The following ACSL4 variants were observed in gnomAD, a reference collection of about 807,000 sequenced individuals.
The protein encoded by ACSL4 is acyl-CoA synthetase long chain family member 4, also known as long-chain-fatty-acid--CoA ligase 4.
A neutral mutation model predicts 49.1 loss-of-function variants in ACSL4; 9 were observed. The ratio of observed to expected loss-of-function variants is 0.18; its 90% confidence interval spans 0.11 to 0.32. ACSL4 has a LOEUF of 0.32. Ranked by LOEUF, ACSL4 falls within the 10% of genes least tolerant of loss-of-function variation. ACSL4 has a pLI of 1.00. For missense variants in ACSL4, 333 were observed against 493.7 expected, an observed-to-expected ratio of 0.67 and a Z score of 3.08; for synonymous variants, 191 against 170.3, an observed-to-expected ratio of 1.12 and a Z score of -0.95.
intron 9 of ACSL4, among the ~76,000 whole-genome samples, chrX:109,670,055 A>C (rs184161365): frequency 3.6e-5 from 4 of 112,401 alleles, no homozygotes; most frequent in Non-Finnish European, 3.8e-5. Flanking sequence ...CAAAACAAAA[A>C]AAAATAAACA....
intron 9 of ACSL4, among the ~76,000 whole-genome samples, chrX:109,672,978 C>A (rs1344668790): frequency 9.0e-6 from 1 of 111,044 alleles, no homozygotes. Context: ...TGAACCCAAC[C>A]AGAAGTCATA....
intron 1 of ACSL4, among the ~76,000 whole-genome samples, chrX:109,704,146 A>C (rs1026756452): frequency 2.7e-5 from 3 of 111,312 alleles, no homozygotes; most frequent in African/African-American, 9.8e-5. Flanking sequence ...CCATATTCAC[A>C]TTCTCTGATA....
intron 15 of ACSL4, among the ~76,000 whole-genome samples, chrX:109,645,654 G>A (rs916248323): frequency 2.7e-5 from 3 of 112,396 alleles, no homozygotes; most frequent in African/African-American, 9.7e-5. Context: ...CACCAGCAAC[G>A]GAACAAAGCT....
intron 13 of ACSL4, among the ~76,000 whole-genome samples, chrX:109,662,972 G>C (rs868712985): frequency 9.0e-6 from 1 of 111,539 alleles, no homozygotes; most frequent in Non-Finnish European, 1.9e-5. Flanking sequence ...CTTACGCTAA[G>C]GTTCAGGCTC....
intron 2 of ACSL4, among the ~76,000 whole-genome samples, chrX:109,686,787 C>G (rs901961848): frequency 1.8e-5 from 2 of 110,582 alleles, no homozygotes; most frequent in African/African-American, 6.6e-5. Flanking sequence ...CACACACACA[C>G]ACACACACAC....
In ACSL4 at chrX:109,677,956, C is replaced by G. The variant is rs372073056; in HGVS notation, c.930+32G>C. 2.5e-6 allele frequency: 3 copies of G among 1,205,599 alleles called. No individual in the cohort carries two copies. In the African/African-American group the frequency reaches 5.3e-5, roughly 21 times the overall value. On this transcript the variant is annotated intron_variant, in intron 8 of 15. Coordinates refer to ENST00000672401, the MANE Select transcript of ACSL4 (RefSeq NM_001318510.2). The stretch of plus-strand genomic sequence containing the variant: ...CTCAGCCAAACCATGCAGCATCATA[C>G]GATCATGCCAATATACTGAAAAGTT...
At chrX:109,710,258 G>T (rs1360378721) in intron 1 of ACSL4, among the ~76,000 whole-genome samples, 1 of 111,799 alleles carries the variant, frequency 8.9e-6, no homozygotes, top group African/African-American at 3.3e-5. Flanking sequence ...TCATCCCATA[G>T]AGAACAAGGC....
chrX:109,682,096 T>C (rs2147446585), intron 4 of ACSL4, among the ~76,000 whole-genome samples: 1 of 112,354 alleles, frequency 8.9e-6, no homozygotes, highest in South Asian at 3.7e-4. Flanking sequence ...GGGATCATTT[T>C]CATATTATCT....
intron 1 of ACSL4, among the ~76,000 whole-genome samples, chrX:109,697,193 A>C (rs1925502698): frequency 8.9e-6 from 1 of 112,865 alleles, no homozygotes; most frequent in Non-Finnish European, 1.9e-5. Context: ...GGAATAATAA[A>C]ATAAGGCCTT....
At position 109,643,927 on chromosome X, in the gene ACSL4, T is replaced by G; in HGVS notation, c.*102A>C. On this transcript the variant is annotated 3_prime_UTR_variant, in exon 16 of 16. Coordinates refer to ENST00000672401, the MANE Select transcript of ACSL4 (RefSeq NM_001318510.2). The stretch of plus-strand genomic sequence containing the variant: ...TTTTCTTTTTACTCTATCTTTAGAA[T>G]GATATACCTTACATTCTAACAGTTC... 4.9e-5 allele frequency: 46 copies of G among 937,354 alleles called. No individual in the cohort carries two copies. The highest frequency in any genetic ancestry group is 6.8e-5 in the Non-Finnish European group (44 of 649,918). 77.2% of individuals were successfully genotyped at this position (937,354 alleles called of 1,213,427 possible). A position where few individuals can be genotyped will look rare whatever the true frequency, so the allele number is the denominator to read the frequency against.
At position 109,701,376 on chromosome X, in the gene ACSL4, G is replaced by C. The variant is rs192587757; in HGVS notation, c.-65-5180C>G. Among the ~76,000 whole-genome samples the C allele has an allele frequency of 8.9e-3, 947 of 106,264 alleles. 12 individuals are homozygous for C. The highest frequency in any genetic ancestry group is 0.029 in the African/African-American group (848 of 29,052). The allele number at this position is 106,264 out of a possible 115,157, so 92.3% of individuals were successfully genotyped here. ...GGACTACAGGTGTGCACCACAGCACGCCGCTAATTTTTGTATTTTGAGTAA... is the reference window on the plus strand; with the variant it reads ...GGACTACAGGTGTGCACCACAGCACCCCGCTAATTTTTGTATTTTGAGTAA... On this transcript the variant is annotated intron_variant, in intron 1 of 15. Coordinates refer to ENST00000672401, the MANE Select transcript of ACSL4 (RefSeq NM_001318510.2).
At chrX:109,695,032 T>C (rs1925321157) in intron 2 of ACSL4, among the ~76,000 whole-genome samples, 1 of 111,580 alleles carries the variant, frequency 9.0e-6, no homozygotes, top group African/African-American at 3.3e-5. Context: ...GGCACAAGTA[T>C]ACATTGTGGC....
chrX:109,646,392 C>T (rs1224460426), intron 15 of ACSL4, among the ~76,000 whole-genome samples: 1 of 111,288 alleles, frequency 9.0e-6, no homozygotes, highest in Non-Finnish European at 1.9e-5. Context: ...AAAGAATTTT[C>T]AACCCAGAAT....
In ACSL4 at chrX:109,727,526, C is replaced by T. The variant is rs746809821; in HGVS notation, c.-66+5613G>A. 2.7e-5 allele frequency among the ~76,000 whole-genome samples: 3 copies of T among 111,936 alleles called. No individual in the cohort carries two copies. The South Asian group carries it at 1.1e-3, about 41-fold the overall frequency. ...AAATCAACCGTCTCAACTCTCTATG[C>T]ATTCCTTATTGCTGCTCCTAGACCA... On this transcript the variant is annotated intron_variant, in intron 1 of 15. Coordinates refer to ENST00000672401, the MANE Select transcript of ACSL4 (RefSeq NM_001318510.2).
At position 109,727,348 on chromosome X, in the gene ACSL4, A is replaced by G. The variant is rs139977280; in HGVS notation, c.-66+5791T>C. Among the ~76,000 whole-genome samples, 705 of 111,871 alleles carry G rather than the reference A, an allele frequency of 6.3e-3. 3 individuals are homozygous for G. The highest frequency in any genetic ancestry group is 0.021 in the African/African-American group (655 of 30,781). On this transcript the variant is annotated intron_variant, in intron 1 of 15. Coordinates refer to ENST00000672401, the MANE Select transcript of ACSL4 (RefSeq NM_001318510.2). ...GATCACATAGCAGTTTCAGGAGCAAAAACACTACCATGCCTGGCTCTCTTA... is the reference window on the plus strand; with the variant it reads ...GATCACATAGCAGTTTCAGGAGCAAGAACACTACCATGCCTGGCTCTCTTA...
At chrX:109,666,270 T>A (rs767613200) in intron 11 of ACSL4, among the ~76,000 whole-genome samples, 5 of 111,952 alleles carry the variant, frequency 4.5e-5, no homozygotes, top group African/African-American at 1.6e-4. Flanking sequence ...AGGAAAGACA[T>A]TATTGAAAAG....
intron 15 of ACSL4, 78 bp downstream of exon 15, chrX:109,659,276 C>T: frequency 1.1e-6 from 1 of 916,747 alleles, no homozygotes; most frequent in East Asian, 3.1e-5. Flanking sequence ...TTAAAGCAAA[C>T]ATATTGAAGA....
chrX:109,692,714 C>A (rs1373067700), intron 2 of ACSL4, among the ~76,000 whole-genome samples: 2 of 111,952 alleles, frequency 1.8e-5, no homozygotes, highest in Non-Finnish European at 3.8e-5. Flanking sequence ...CATTGTACCA[C>A]AGTGCAGACT....
intron 1 of ACSL4, among the ~76,000 whole-genome samples, chrX:109,724,367 C>T (rs1927801031): frequency 9.0e-6 from 1 of 111,180 alleles, no homozygotes; most frequent in African/African-American, 3.3e-5. Flanking sequence ...CTCTGCCTCC[C>T]GGGCACAAGC....
Sources: gnomAD v4.1 joint callset for allele counts (sites outside exome capture counted in the v4.1 genomes callset) on GRCh38, gnomAD v4.1.1 for gene constraint, MANE v1.5 for transcripts, NCBI Gene and HGNC (gene_info 2026-07-23, HGNC 2026-07-21) for gene names.